The following GPC5 variants were observed in gnomAD, a reference collection of about 807,000 sequenced individuals.
GPC5 encodes the protein glypican-5.
Under a neutral mutation model 53.9 loss-of-function variants are expected in GPC5, and 47 were observed. That is an observed-to-expected ratio of 0.87 (90% CI 0.69 to 1.11). GPC5 has a LOEUF of 1.11. Ranked by LOEUF, GPC5 falls within the 50% of genes most tolerant of loss-of-function variation. The probability of loss-of-function intolerance (pLI) is 0.00; values close to 1 mark genes in which losing one functional copy is unlikely to be tolerated. For synonymous variants in GPC5, 286 were observed against 263.3 expected (o/e 1.09, Z -0.84); for missense variants, 748 against 713.1 (o/e 1.05, Z -0.56).
At chr13:91,913,952 T>C (rs1412527061) in intron 6 of GPC5, among the ~76,000 whole-genome samples, 1 of 152,200 alleles carries the variant, frequency 6.6e-6, no homozygotes, top group Admixed American at 6.5e-5. Context: ...CCCTTTAATA[T>C]TATAGATTGA....
intron 7 of GPC5, among the ~76,000 whole-genome samples, chr13:92,298,279 T>C (rs117855226): frequency 0.021 from 3,271 of 152,276 alleles, 56 homozygotes; most frequent in Non-Finnish European, 0.035. Context: ...ACGGCTTTCC[T>C]CCTTCCCCTG....
intron 7 of GPC5, among the ~76,000 whole-genome samples, chr13:92,855,653 A>G (rs575140642): frequency 6.6e-6 from 1 of 152,054 alleles, no homozygotes; most frequent in African/African-American, 2.4e-5. Flanking sequence ...AAACACAGTC[A>G]GAAATGACAA....
chr13:91,821,552 A>G (rs1351645819), intron 5 of GPC5, among the ~76,000 whole-genome samples: 4 of 152,200 alleles, frequency 2.6e-5, no homozygotes, highest in African/African-American at 4.8e-5. Flanking sequence ...TTATTCATCA[A>G]TAAGTGTGAA....
At chr13:92,185,789 T>C (rs1189686602) in intron 7 of GPC5, among the ~76,000 whole-genome samples, 1 of 152,162 alleles carries the variant, frequency 6.6e-6, no homozygotes, top group African/African-American at 2.4e-5. Context: ...TAGAATATGT[T>C]GATTGATTCC....
intron 4 of GPC5, among the ~76,000 whole-genome samples, chr13:91,731,591 G>A (rs1594493114): frequency 6.6e-6 from 1 of 152,092 alleles, no homozygotes; most frequent in South Asian, 2.1e-4. Context: ...GGGTGTATGT[G>A]TGCCATGGTG....
At chr13:92,511,487 G>T (rs1156568397) in intron 7 of GPC5, among the ~76,000 whole-genome samples, 1 of 152,060 alleles carries the variant, frequency 6.6e-6, no homozygotes, top group Non-Finnish European at 1.5e-5. Context: ...TCCTTTGCTA[G>T]GATTTTTGCA....
At chr13:92,643,695 G>A (rs554745266) in intron 7 of GPC5, among the ~76,000 whole-genome samples, 271 of 147,516 alleles carry the variant, frequency 1.8e-3, no homozygotes, top group Non-Finnish European at 3.2e-3. Flanking sequence ...CATGGACACA[G>A]GAAGGGGAAT....
At chr13:91,948,922 A>AG (rs1428436092) in intron 6 of GPC5, among the ~76,000 whole-genome samples, 1 of 152,196 alleles carries the variant, frequency 6.6e-6, no homozygotes, top group Non-Finnish European at 1.5e-5. Flanking sequence ...ATTACCATCA[A>AG]GAGAGACATA....
chr13:91,553,898 A>C (rs966683865), intron 2 of GPC5, among the ~76,000 whole-genome samples: 4 of 152,118 alleles, frequency 2.6e-5, no homozygotes, highest in Non-Finnish European at 5.9e-5. Flanking sequence ...TTAGCAATGA[A>C]TGAAAGATGC....
At chr13:92,173,314 C>T (rs1298053443) in intron 7 of GPC5, among the ~76,000 whole-genome samples, 3 of 152,008 alleles carry the variant, frequency 2.0e-5, no homozygotes, top group Non-Finnish European at 4.4e-5. Context: ...TTAGGTGTGT[C>T]GATTCTGGGT....
chr13:92,438,259 C>T (rs573365838), intron 7 of GPC5, among the ~76,000 whole-genome samples: 2 of 152,038 alleles, frequency 1.3e-5, no homozygotes, highest in African/African-American at 4.8e-5. Context: ...ACCCAATCTA[C>T]AATGTTGGGT....
chr13:92,169,235 C>T (rs926626680), intron 7 of GPC5, among the ~76,000 whole-genome samples: 4 of 152,102 alleles, frequency 2.6e-5, no homozygotes, highest in Non-Finnish European at 5.9e-5. Flanking sequence ...GCATGCTGGG[C>T]TTAATACGTA....
intron 7 of GPC5, among the ~76,000 whole-genome samples, chr13:92,524,101 C>T (rs1185327315): frequency 6.6e-6 from 1 of 152,056 alleles, no homozygotes; most frequent in Non-Finnish European, 1.5e-5. Flanking sequence ...ATAAAGTTTG[C>T]CACATCAATT....
At chr13:92,226,120 C>T (rs971928390) in intron 7 of GPC5, among the ~76,000 whole-genome samples, 1 of 152,158 alleles carries the variant, frequency 6.6e-6, no homozygotes, top group Admixed American at 6.6e-5. Flanking sequence ...TCTCCTGCCA[C>T]AAAGTAATAT....
intron 7 of GPC5, among the ~76,000 whole-genome samples, chr13:92,430,064 C>T (rs1877017188): frequency 6.7e-6 from 1 of 149,928 alleles, no homozygotes; most frequent in Non-Finnish European, 1.5e-5. Flanking sequence ...TATTTCAGAA[C>T]AGCATGTTGT....
At chr13:91,764,640 T>TC (rs1291937508) in intron 5 of GPC5, among the ~76,000 whole-genome samples, 1 of 152,200 alleles carries the variant, frequency 6.6e-6, no homozygotes, top group African/African-American at 2.4e-5. Context: ...TCTTCGTTTT[T>TC]CCCCTCGTCC....
At position 91,674,525 on chromosome 13, in the gene GPC5, G is replaced by A. The variant is rs565584831; in HGVS notation, c.326-18662G>A. On this transcript the variant is annotated intron_variant, in intron 2 of 7. Transcript: ENST00000377067. ...TATGTGTATATATACACATATATGCGTATGTGTATATATACGCATATATAT... is the reference window on the plus strand; with the variant it reads ...TATGTGTATATATACACATATATGCATATGTGTATATATACGCATATATAT... Among the ~76,000 whole-genome samples the A allele has an allele frequency of 5.9e-5, 8 of 136,452 alleles. No individual in the cohort carries two copies. The South Asian group carries it at 6.8e-4, about 12-fold the overall frequency. 89.5% of individuals were successfully genotyped at this position (136,452 alleles called of 152,430 possible).
chr13:92,764,490 A>G (rs539304939), intron 7 of GPC5, among the ~76,000 whole-genome samples: 25 of 152,284 alleles, frequency 1.6e-4, no homozygotes, highest in African/African-American at 5.1e-4. Flanking sequence ...ATCAGTCCCT[A>G]TGAAAACTGC....
chr13:92,393,826 G>A (rs1356265729), intron 7 of GPC5, among the ~76,000 whole-genome samples: 1 of 152,148 alleles, frequency 6.6e-6, no homozygotes, highest in Non-Finnish European at 1.5e-5. Context: ...GTGTTTGCCT[G>A]TGTGACAAAC....
Sources: gnomAD v4.1 joint callset for allele counts (sites outside exome capture counted in the v4.1 genomes callset) on GRCh38, gnomAD v4.1.1 for gene constraint, MANE v1.5 for transcripts, NCBI Gene and HGNC (gene_info 2026-07-23, HGNC 2026-07-21) for gene names.